EBF1: variants seen among roughly 807,000 people sequenced by gnomAD.
EBF1 encodes EBF transcription factor 1.
Under a neutral mutation model 68.4 loss-of-function variants are expected in EBF1, and 10 were observed. That is an observed-to-expected ratio of 0.15 (90% CI 0.09 to 0.25). EBF1 has a LOEUF of 0.25. EBF1 is among the 10% of genes least tolerant of loss of function. The pLI, the probability that EBF1 is intolerant of heterozygous loss-of-function variation, is 1.00. For missense variants in EBF1, 509 were observed against 794.4 expected, an observed-to-expected ratio of 0.64 and a Z score of 4.32; for synonymous variants, 298 against 299.8, an observed-to-expected ratio of 0.99 and a Z score of 0.06.
intron 6 of EBF1, among the ~76,000 whole-genome samples, chr5:158,893,142 TA>T (rs1435473667): frequency 6.6e-6 from 1 of 152,222 alleles, no homozygotes; most frequent in Non-Finnish European, 1.5e-5. Context: ...CAAAATGTAA[TA>T]AAAATGTTTT....
rs767428260 is a variant in EBF1 at position 158,731,096 on chromosome 5, G to A, written c.1098C>T (p.His366=). ...FQRLQKVIPR[H]PGDPERLPKE... The stretch of plus-strand genomic sequence containing the variant: ...TTGGCAAACGCTCAGGGTCACCAGG[G>A]TGCCGAGGAATGACCTTCTGTAACC... Residue 366 remains histidine (H), a synonymous_variant, in exon 11 of 16, where the codon CAC becomes CAT. Coordinates refer to ENST00000313708, the MANE Select transcript of EBF1 (RefSeq NM_024007.5). 4.3e-6 allele frequency: 7 copies of A among 1,614,106 alleles called. No homozygotes were observed. The highest frequency in any genetic ancestry group is 5.9e-6 in the Non-Finnish European group (7 of 1,179,998).
intron 8 of EBF1, among the ~76,000 whole-genome samples, chr5:158,815,506 A>C (rs956329336): frequency 6.6e-6 from 1 of 152,212 alleles, no homozygotes; most frequent in African/African-American, 2.4e-5. Context: ...ATGATCCATA[A>C]ATGCTAATAG....
At chr5:158,983,454 G>A (rs931546356) in intron 6 of EBF1, 4 of 152,156 alleles carry the variant, frequency 2.6e-5, no homozygotes, top group African/African-American at 7.2e-5. Context: ...GTGGAATGTT[G>A]TCTAGAGTAG....
Position 159,035,528 on chromosome 5 carries a change from A to T in EBF1, c.554+37868T>A, listed in dbSNP as rs146833799. ...AGGCAGTACAGAGTGATGGTTTCAT[A>T]CTTAGAGGCTGAAATTAAACTACCT... is the stretch of plus-strand genomic sequence containing the variant. On this transcript the variant is annotated intron_variant, in intron 6 of 15. Coordinates refer to ENST00000313708, the MANE Select transcript of EBF1 (RefSeq NM_024007.5). Among the ~76,000 whole-genome samples, 220 of 152,280 alleles carry T rather than the reference A, an allele frequency of 1.4e-3. 1 individual carries two copies. The highest frequency in any genetic ancestry group is 4.8e-3 in the African/African-American group (200 of 41,568).
chr5:158,706,260 C>T (rs949587857), intron 15 of EBF1, among the ~76,000 whole-genome samples: 8 of 150,556 alleles, frequency 5.3e-5, no homozygotes, highest in African/African-American at 9.8e-5. Flanking sequence ...TGGGGAAGAG[C>T]GGCGTGCTCT....
At chr5:158,946,261 G>C (rs1814661153) in intron 6 of EBF1, among the ~76,000 whole-genome samples, 1 of 152,120 alleles carries the variant, frequency 6.6e-6, no homozygotes, top group South Asian at 2.1e-4. Context: ...AGGAGAAGAG[G>C]CATCCCGGTT....
At chr5:158,821,709 A>G (rs1275636763) in intron 8 of EBF1, among the ~76,000 whole-genome samples, 1 of 152,200 alleles carries the variant, frequency 6.6e-6, no homozygotes, top group Non-Finnish European at 1.5e-5. Flanking sequence ...TAAAGACAAC[A>G]TTACTGTAAA....
At chr5:158,835,407 A>T (rs952625817) in intron 7 of EBF1, among the ~76,000 whole-genome samples, 13 of 152,192 alleles carry the variant, frequency 8.5e-5, no homozygotes, top group Admixed American at 3.3e-4. Context: ...GTAAAAATTG[A>T]TCAACACTGT....
Position 159,056,410 on chromosome 5 carries a change from A to C in EBF1, c.554+16986T>G, listed in dbSNP as rs183152318. 6.6e-5 allele frequency among the ~76,000 whole-genome samples: 10 copies of C among 151,978 alleles called. No individual in the cohort carries two copies. In the East Asian group the frequency reaches 1.9e-3, roughly 30 times the overall value. On this transcript the variant is annotated intron_variant, in intron 6 of 15. Coordinates refer to ENST00000313708, the MANE Select transcript of EBF1 (RefSeq NM_024007.5). ...CTCTGAAACAGTACAGAAGCTGCCAACTCCCCACCTCTCCCTCTAGCTTAC... is the reference window on the plus strand; with the variant it reads ...CTCTGAAACAGTACAGAAGCTGCCACCTCCCCACCTCTCCCTCTAGCTTAC...
chr5:158,837,928 G>A (rs1030085453), intron 7 of EBF1, among the ~76,000 whole-genome samples: 3 of 152,140 alleles, frequency 2.0e-5, no homozygotes, highest in African/African-American at 7.2e-5. Flanking sequence ...AGAAATATAA[G>A]GTTCATGTCA....
At chr5:158,743,815 T>C (rs1653945280) in intron 10 of EBF1, among the ~76,000 whole-genome samples, 1 of 152,128 alleles carries the variant, frequency 6.6e-6, no homozygotes, top group Non-Finnish European at 1.5e-5. Flanking sequence ...ATTTCAGACA[T>C]GCTGGAATTT....
chr5:158,763,573 C>T (rs1372872010), intron 10 of EBF1, among the ~76,000 whole-genome samples: 2 of 150,362 alleles, frequency 1.3e-5, no homozygotes, highest in African/African-American at 2.4e-5. Flanking sequence ...TCCATGACAC[C>T]CTTTTTGTAA....
rs543938671 is a variant in EBF1 at position 158,786,625 on chromosome 5, C to T, written c.910-9086G>A. On this transcript the variant is annotated intron_variant, in intron 9 of 15. Transcript: ENST00000313708. ...TTTGAGGCTGCACAATGAGCTCTTT[C>T]TCAAGGCTTGTTTTTCTAAATTCAG... Among the ~76,000 whole-genome samples, 18 of 152,258 alleles carry T rather than the reference C, an allele frequency of 1.2e-4. No individual in the cohort carries two copies. In the South Asian group the frequency reaches 3.5e-3, roughly 30 times the overall value.
intron 12 of EBF1, 31 bp from the exon 13 acceptor site, chr5:158,713,178 T>C (rs370485550): frequency 1.4e-6 from 2 of 1,398,824 alleles, no homozygotes; most frequent in African/African-American, 2.9e-5. Context: ...CCCCTTCAGC[T>C]GCCCCCAGTC....
At chr5:159,006,208 G>A (rs1018308837) in intron 6 of EBF1, among the ~76,000 whole-genome samples, 3 of 152,146 alleles carry the variant, frequency 2.0e-5, no homozygotes, top group Admixed American at 1.3e-4. Context: ...GTGTTCCCAG[G>A]ACAATCAAAC....
chr5:158,909,340 GGTTTGGTTTGGTTTA>G (rs1474849774), intron 6 of EBF1, among the ~76,000 whole-genome samples: 7 of 152,006 alleles, frequency 4.6e-5, no homozygotes, highest in Admixed American at 3.9e-4. Context: ...TGGCTGGTTT[GGTTTGGTTTGGTTTA>G]GAAGACACAG....
In EBF1 at chr5:159,091,063, C is replaced by T. The variant is rs370634152; in HGVS notation, c.411+4557G>A. The stretch of plus-strand genomic sequence containing the variant: ...AATGTCCAAACACTCCTTCATCGCT[C>T]TCAGCAATATAAGACAGAGAGAACA... On this transcript the variant is annotated intron_variant, in intron 4 of 15. Coordinates refer to ENST00000313708, the MANE Select transcript of EBF1 (RefSeq NM_024007.5). 5.4e-4 allele frequency among the ~76,000 whole-genome samples: 82 copies of T among 152,284 alleles called. 1 individual carries two copies. In the South Asian group the frequency reaches 0.017, roughly 31 times the overall value.
At chr5:158,714,566 T>C (rs780643430) in intron 11 of EBF1, among the ~76,000 whole-genome samples, 15 of 152,222 alleles carry the variant, frequency 9.9e-5, no homozygotes, top group Admixed American at 2.0e-4. Flanking sequence ...CTTATTCCAG[T>C]AACCATGACC....
intron 6 of EBF1, among the ~76,000 whole-genome samples, chr5:158,958,707 CAT>C (rs1236160979): frequency 6.6e-6 from 1 of 151,994 alleles, no homozygotes; most frequent in Non-Finnish European, 1.5e-5. Flanking sequence ...ATTTTTATGA[CAT>C]AGAGGGGAGA....
Sources: gnomAD v4.1 joint callset for allele counts (sites outside exome capture counted in the v4.1 genomes callset) on GRCh38, gnomAD v4.1.1 for gene constraint, MANE v1.5 for transcripts, NCBI Gene and HGNC (gene_info 2026-07-23, HGNC 2026-07-21) for gene names.